The following AURKA variants were observed in gnomAD, a reference collection of about 807,000 sequenced individuals.
AURKA encodes aurora 2.
AURKA carries 12 observed loss-of-function variants against 40.9 expected under a neutral mutation model. The ratio of observed to expected loss-of-function variants is 0.29; its 90% CI spans 0.19 to 0.48. AURKA has a LOEUF of 0.48. Ranked by LOEUF, AURKA falls within the 20% of genes least tolerant of loss-of-function variation. The pLI is 0.99. For synonymous variants in AURKA, 170 were observed against 164.3 expected, an observed-to-expected ratio of 1.03 and a Z score of -0.26; for missense variants, 322 against 462.1, an observed-to-expected ratio of 0.70 and a Z score of 2.78.
At chr20:56,382,669 A>AT (rs2146188997) in intron 5 of AURKA, among the ~76,000 whole-genome samples, 1 of 152,158 alleles carries the variant, frequency 6.6e-6, no homozygotes, top group South Asian at 2.1e-4. Context: ...AAATTTAATC[A>AT]TTTTTTGTGG....
intron 2 of AURKA, among the ~76,000 whole-genome samples, chr20:56,386,898 G>T (rs977977333): frequency 2.6e-5 from 4 of 151,650 alleles, no homozygotes; most frequent in Non-Finnish European, 4.4e-5. Flanking sequence ...CAGTTCCATT[G>T]AAATTTCTTT....
chr20:56,385,085 C>G (rs1417275048), intron 3 of AURKA, among the ~76,000 whole-genome samples: 1 of 152,192 alleles, frequency 6.6e-6, no homozygotes, highest in African/African-American at 2.4e-5. Flanking sequence ...CTTTATTCAT[C>G]TTTCAGGTAC....
In AURKA at chr20:56,370,143, C is replaced by T. The variant is rs201506695; in HGVS notation, c.*15G>A. 1.9e-6 allele frequency: 3 copies of T among 1,612,134 alleles called. No homozygotes were observed. The highest frequency in any genetic ancestry group is 1.7e-6 in the Non-Finnish European group (2 of 1,179,940). On this transcript the variant is annotated 3_prime_UTR_variant, in exon 9 of 9. Transcript: ENST00000395915. ...TGGCAGCCCTGGCTCAAGGATTTCTCCCCCTGCACGATTCCTAAGACTGTT... is the reference window on the plus strand; with the variant it reads ...TGGCAGCCCTGGCTCAAGGATTTCTTCCCCTGCACGATTCCTAAGACTGTT...
At chr20:56,374,493 G>T (rs921877231) in intron 6 of AURKA, among the ~76,000 whole-genome samples, 14 of 152,146 alleles carry the variant, frequency 9.2e-5, no homozygotes, top group Non-Finnish European at 1.6e-4. Flanking sequence ...CTAAAAAGCA[G>T]TTGCACTGAC....
At chr20:56,392,017 G>A (rs1422639781) in intron 1 of AURKA, 151 bp downstream of exon 1, 1 of 152,138 alleles carries the variant, frequency 6.6e-6, no homozygotes, top group Non-Finnish European at 1.5e-5. Flanking sequence ...AAGGCGCTGG[G>A]CGGGCACAAG....
At chr20:56,374,699 G>A (rs1276647638) in intron 6 of AURKA, among the ~76,000 whole-genome samples, 7 of 151,594 alleles carry the variant, frequency 4.6e-5, no homozygotes, top group East Asian at 3.9e-4. Flanking sequence ...GCCTCACAAC[G>A]TGCTAGGATT....
At chr20:56,375,363 G>A (rs139167057) in intron 6 of AURKA, among the ~76,000 whole-genome samples, 204 of 141,008 alleles carry the variant, frequency 1.4e-3, no homozygotes, top group African/African-American at 5.3e-3. Flanking sequence ...TACGCTGGTC[G>A]CTAATTCCTG....
Position 56,390,149 on chromosome 20 carries a change from CCTCT to C in AURKA, c.-5-1951_-5-1948del, listed in dbSNP as rs556582598. On this transcript the variant is annotated intron_variant, in intron 1 of 8. Transcript: ENST00000395915. ...TCTCACAGAACATGGACCCTAACTA[CCTCT>C]CTGACTTCATCTCCTCTTCTTGTCA... Among the ~76,000 whole-genome samples the C allele has an allele frequency of 1.1e-4, 16 of 152,318 alleles. No homozygotes were observed. In the East Asian group the frequency reaches 3.1e-3, roughly 29 times the overall value.
intron 6 of AURKA, among the ~76,000 whole-genome samples, chr20:56,374,331 T>C (rs1183860577): frequency 6.6e-6 from 1 of 152,216 alleles, no homozygotes; most frequent in Non-Finnish European, 1.5e-5. Context: ...TACTGCCTTT[T>C]TCTTTTTTAG....
intron 8 of AURKA, 72 bp from the exon 9 acceptor site, chr20:56,370,412 C>G (rs889118390): frequency 9.3e-6 from 15 of 1,613,598 alleles, no homozygotes; most frequent in Non-Finnish European, 1.3e-5. Context: ...ATGTTCGGAT[C>G]TTGGCCTGCA....
intron 3 of AURKA, among the ~76,000 whole-genome samples, chr20:56,385,186 T>C (rs1052374436): frequency 5.3e-5 from 8 of 152,256 alleles, no homozygotes; most frequent in Admixed American, 1.3e-4. Flanking sequence ...TTGGATAAGT[T>C]AACTGCTTCT....
intron 1 of AURKA, chr20:56,388,578 G>A (rs965880248): frequency 1.2e-5 from 3 of 256,114 alleles, no homozygotes; most frequent in East Asian, 6.3e-5. Flanking sequence ...TTGGGAGGCC[G>A]AGGTGGGCGG....
intron 6 of AURKA, among the ~76,000 whole-genome samples, chr20:56,380,320 A>G (rs1005216780): frequency 6.7e-6 from 1 of 149,118 alleles, no homozygotes; most frequent in Non-Finnish European, 1.5e-5. Context: ...GCGCCACTGC[A>G]CTCCAGCCTG....
At chr20:56,382,448 A>G (rs2146188093) in intron 5 of AURKA, among the ~76,000 whole-genome samples, 1 of 152,292 alleles carries the variant, frequency 6.6e-6, no homozygotes, top group Non-Finnish European at 1.5e-5. Context: ...AAAAACACTG[A>G]AAGAAAAAAA....
chr20:56,377,863 G>A (rs1215521541), intron 6 of AURKA, among the ~76,000 whole-genome samples: 4 of 152,092 alleles, frequency 2.6e-5, no homozygotes, highest in Admixed American at 1.3e-4. Context: ...ACCACATGCC[G>A]ATTAGAATAA....
At chr20:56,392,081 G>C (rs977046817) in intron 1 of AURKA, 87 bp downstream of exon 1, 1 of 152,222 alleles carries the variant, frequency 6.6e-6, no homozygotes, top group Non-Finnish European at 1.5e-5. Flanking sequence ...TTGACGCTCC[G>C]CCACTCCGAC....
chr20:56,376,975 G>C (rs1433646845), intron 6 of AURKA, among the ~76,000 whole-genome samples: 2 of 152,124 alleles, frequency 1.3e-5, no homozygotes, highest in Non-Finnish European at 2.9e-5. Flanking sequence ...AGCTACTCAG[G>C]AGGCTGAGGC....
rs543933224 is a variant in AURKA, at chr20:56,377,555, G to A, written c.705+3878C>T. 1.5e-3 allele frequency among the ~76,000 whole-genome samples: 227 copies of A among 152,258 alleles called. 1 individual carries two copies. Among genetic ancestry groups the A allele is most frequent in the African/African-American group, 5.2e-3 (216 of 41,554 alleles). On this transcript the variant is annotated intron_variant, in intron 6 of 8. Transcript: ENST00000395915. ...TATAATCCCAGCACTTTGGGAGGCC[G>A]AGGCAGGTGGATCACAAGGTCAAGA...
chr20:56,372,083 G>A (rs1984317539), intron 7 of AURKA, among the ~76,000 whole-genome samples: 1 of 152,186 alleles, frequency 6.6e-6, no homozygotes, highest in Non-Finnish European at 1.5e-5. Flanking sequence ...GGGAACAGCA[G>A]ACAGCAAGCC....
Sources: gnomAD v4.1 joint callset for allele counts (sites outside exome capture counted in the v4.1 genomes callset) on GRCh38, gnomAD v4.1.1 for gene constraint, MANE v1.5 for transcripts, NCBI Gene and HGNC (gene_info 2026-07-23, HGNC 2026-07-21) for gene names.